Variants in SLC19A1 observed in about 807,000 individuals in gnomAD.
SLC19A1 encodes the protein solute carrier family 19 member 1, also known as reduced folate transporter.
Under a neutral mutation model 35.3 loss-of-function variants are expected in SLC19A1, and 37 were observed. The observed-to-expected ratio is 1.05, with a 90% CI of 0.81 to 1.38. SLC19A1 has a LOEUF of 1.38. SLC19A1 is among the 40% of genes most tolerant of loss of function. The pLI is 0.00. For missense variants in SLC19A1, 831 were observed against 826.9 expected (o/e 1.00, Z -0.06); for synonymous variants, 460 against 398.5 (o/e 1.15, Z -1.84).
chr21:45,526,054 C>T (rs530736324), intron 4 of SLC19A1, 96 bp from the exon 5 acceptor site: 16 of 1,379,064 alleles, frequency 1.2e-5, no homozygotes, highest in Admixed American at 7.8e-5. Context: ...GCCCATGACC[C>T]GCCCGGCAGC....
In SLC19A1 at chr21:45,520,897, G is replaced by A. The variant is rs546964527; in HGVS notation, c.1294-4757C>T. Among the ~76,000 whole-genome samples the A allele has an allele frequency of 3.3e-5, 5 of 152,166 alleles. No homozygotes were observed. In the South Asian group the frequency reaches 1.0e-3, roughly 32 times the overall value. On this transcript the variant is annotated intron_variant, in intron 5 of 5. Transcript: ENST00000311124. ...TAGCCAGGCATGGTGGCACATGCCT[G>A]TAATCCCAGCTACTTGGGAGGCTGA...
rs2078053254 is a variant in SLC19A1, at chr21:45,534,794, G to A, written c.190-2646C>T. 6.8e-6 allele frequency: 4 copies of A among 586,802 alleles called. No homozygotes were observed. Among genetic ancestry groups the A allele is most frequent in the Non-Finnish European group, 9.1e-6 (3 of 330,338 alleles). The allele number at this position is 586,802 out of a possible 1,614,324, so 36.3% of individuals were successfully genotyped here. A position where few individuals can be genotyped will look rare whatever the true frequency, so the allele number is the denominator to read the frequency against. On this transcript the variant is annotated intron_variant, in intron 2 of 5. Coordinates refer to ENST00000311124, the MANE Select transcript of SLC19A1 (RefSeq NM_194255.4). This position sits in a 1 kb window ranked among gnomAD's most constrained non-coding sequence, Gnocchi z 4.2. ...CCTGCGTCCCACTTACAAGGCTGCT[G>A]GGGGAGGGGCCCTCACAACGGTCCC...
chr21:45,536,998 C>T (rs2078134435), intron 2 of SLC19A1, among the ~76,000 whole-genome samples: 1 of 152,216 alleles, frequency 6.6e-6, no homozygotes, highest in African/African-American at 2.4e-5. Context: ...TGGGCATAAG[C>T]CTATTAGAAC....
At chr21:45,549,189 C>T (rs2078441505), upstream of SLC19A1, among the ~76,000 whole-genome samples, 3 of 152,218 alleles carry the variant, frequency 2.0e-5, no homozygotes, top group South Asian at 2.1e-4. Flanking sequence ...ACAGGGACTA[C>T]TCAGACTAAA....
chr21:45,549,955 C>T (rs2078449781), intron 1 of SLC19A1, among the ~76,000 whole-genome samples: 1 of 152,070 alleles, frequency 6.6e-6, no homozygotes, highest in Admixed American at 6.5e-5. Context: ...CATCTCTGCC[C>T]CTTCTTAGCC....
intron 1 of SLC19A1, among the ~76,000 whole-genome samples, chr21:45,551,163 A>T (rs915862894): frequency 4.6e-5 from 7 of 151,802 alleles, no homozygotes; most frequent in African/African-American, 1.7e-4. Context: ...CTGAGGCAGG[A>T]GAATAGCTTG....
chr21:45,546,127 G>A (rs185082959), upstream of SLC19A1, among the ~76,000 whole-genome samples: 1 of 152,232 alleles, frequency 6.6e-6, no homozygotes, highest in Non-Finnish European at 1.5e-5. Context: ...CTAGCCCCAA[G>A]CCCAGGCCTG....
chr21:45,506,130 T>C lies in SLC19A1; in HGVS notation c.498-7518A>G, dbSNP rs184054564. On this transcript the variant is annotated intron_variant, in intron 3 of 4. Coordinates refer to the SLC19A1 transcript ENST00000417954. ...TTGGTAAAGTTTAGTAAAATACTTT[T>C]GTGAGCAGTTTTGGGTTTAAAGAAA... is the stretch of plus-strand genomic sequence containing the variant. 4.7e-4 allele frequency: 524 copies of C among 1,121,644 alleles called. 1 individual carries two copies. In the African/African-American group the frequency reaches 7.2e-3, roughly 15 times the overall value. The allele number at this position is 1,121,644 out of a possible 1,614,324, so 69.5% of individuals were successfully genotyped here.
chr21:45,524,889 C>A (rs143770331), intron 5 of SLC19A1, among the ~76,000 whole-genome samples: 215 of 151,608 alleles, frequency 1.4e-3, no homozygotes, highest in African/African-American at 5.0e-3. Context: ...GAGACTCACC[C>A]GCCCTGAGTG....
At chr21:45,544,018 G>C (rs947215307), upstream of SLC19A1, 1 of 152,564 alleles carries the variant, frequency 6.6e-6, no homozygotes, top group Admixed American at 6.5e-5. Flanking sequence ...CAGCAGCGGG[G>C]CTCCTAGACC....
chr21:45,531,293 G>T, intron 3 of SLC19A1, 96 bp downstream of exon 3: 1 of 1,478,588 alleles, frequency 6.8e-7, no homozygotes, highest in Non-Finnish European at 9.0e-7. Context: ...GGCAGGGGGC[G>T]GGAGAGGGAG....
In SLC19A1 at chr21:45,514,825, G is replaced by T. The variant is rs760863017; in HGVS notation, c.*833C>A. 6 of 568,144 alleles carry T rather than the reference G, an allele frequency of 1.1e-5. No homozygotes were observed. Among genetic ancestry groups the T allele is most frequent in the African/African-American group, 3.9e-5 (2 of 50,882 alleles). The allele number at this position is 568,144 out of a possible 1,614,324, so 35.2% of individuals were successfully genotyped here. Reference sequence around the variant, plus strand: ...CCTTAGACCCTGAGGCCGCTGGGACGTACTTCCCCAGCGCCCACCACAAAG... The same window carrying T: ...CCTTAGACCCTGAGGCCGCTGGGACTTACTTCCCCAGCGCCCACCACAAAG... On this transcript the variant is annotated 3_prime_UTR_variant, in exon 6 of 6. Coordinates refer to ENST00000311124, the MANE Select transcript of SLC19A1 (RefSeq NM_194255.4).
At chr21:45,560,466 G>T (rs1454869164) in intron 1 of SLC19A1, among the ~76,000 whole-genome samples, 1 of 151,684 alleles carries the variant, frequency 6.6e-6, no homozygotes, top group African/African-American at 2.4e-5. Context: ...GCGCCCACAG[G>T]AGCTAATCCA....
At chr21:45,550,776 T>C (rs978883666) in intron 1 of SLC19A1, among the ~76,000 whole-genome samples, 11 of 152,138 alleles carry the variant, frequency 7.2e-5, no homozygotes, top group African/African-American at 2.2e-4. Context: ...GGGCGTGCAG[T>C]CTGCAGACCC....
intron 1 of SLC19A1, among the ~76,000 whole-genome samples, chr21:45,553,634 C>T (rs1398275153): frequency 1.3e-5 from 1 of 74,300 alleles, no homozygotes; most frequent in African/African-American, 5.7e-5. Context: ...TCCCCCCGCG[C>T]CCCCCTCCTA....
Position 45,515,922 on chromosome 21 carries a change from T to TG in SLC19A1, c.1511dup (p.Glu505ArgfsTer31). ...GCCCCACAGCCCCCAGGCTGTCTTC[T>TG]GGGGAAAGCGGCGGGCTCTGGGCTG... On this transcript the variant is annotated frameshift_variant, in exon 6 of 6. Transcript: ENST00000311124. LOFTEE classifies it low-confidence loss of function (END_TRUNC). The TG allele has an allele frequency of 6.5e-7, 1 of 1,546,316 alleles. No homozygotes were observed. The highest frequency in any genetic ancestry group is 1.4e-5 in the African/African-American group (1 of 73,366).
intron 3 of SLC19A1, chr21:45,504,364 T>C: frequency 1.3e-6 from 2 of 1,580,640 alleles, no homozygotes; most frequent in South Asian, 2.3e-5. Context: ...GGAGGCCACC[T>C]GTGGCTTGTA....
chr21:45,509,170 G>A (rs73907569), downstream of SLC19A1, among the ~76,000 whole-genome samples: 4,149 of 152,136 alleles, frequency 0.027, 206 homozygotes, highest in African/African-American at 0.095. Flanking sequence ...CCGGCGCCAC[G>A]GCAGGCAGGA....
At chr21:45,507,588 G>A (rs760778769), downstream of SLC19A1, 1 of 1,613,102 alleles carries the variant, frequency 6.2e-7, no homozygotes, top group South Asian at 1.1e-5. Context: ...ACTCCCACGA[G>A]GGACGGTAAG....
Sources: gnomAD v4.1 joint callset for allele counts (sites outside exome capture counted in the v4.1 genomes callset) on GRCh38, gnomAD v4.1.1 for gene constraint, Gnocchi (gnomAD v3.1) non-coding constraint, MANE v1.5 for transcripts, NCBI Gene and HGNC (gene_info 2026-07-23, HGNC 2026-07-21) for gene names.